The following OR5A2 variants were observed in gnomAD, a reference collection of about 807,000 sequenced individuals.
The protein encoded by OR5A2 is olfactory receptor family 5 subfamily A member 2, also known as olfactory receptor 5A2.
For missense variants in OR5A2, 406 were observed against 398.9 expected, an observed-to-expected ratio of 1.02 and a Z score of -0.15; for synonymous variants, 155 against 151.1, an observed-to-expected ratio of 1.03 and a Z score of -0.19.
chr11:59,417,752 T>C lies in OR5A2; in HGVS notation c.*4227A>G, dbSNP rs1347668592. 6.6e-6 allele frequency: 1 copy of C among 152,028 alleles called. No homozygotes were observed. The highest frequency in any genetic ancestry group is 2.4e-5 in the African/African-American group (1 of 41,404). 9.4% of individuals were successfully genotyped at this position (152,028 alleles called of 1,614,324 possible). A position where few individuals can be genotyped will look rare whatever the true frequency, so the allele number is the denominator to read the frequency against. ...TAGGCAAGCTCTAGGTTTGTGAAGG[T>C]TTAAGACTAGAAACATAAGACTATT... On this transcript the variant is annotated 3_prime_UTR_variant, in exon 2 of 2. Transcript: ENST00000302040.
rs1364712343 is a variant in OR5A2 at position 59,417,909 on chromosome 11, A to T, written c.*4070T>A. On this transcript the variant is annotated 3_prime_UTR_variant, in exon 2 of 2. Transcript: ENST00000302040. ...GAATGTTGATGGTGCATAGGACAAC[A>T]ACAAGGTGTCTACAAAACTCTAACA... 1 of 152,114 alleles carries T rather than the reference A, an allele frequency of 6.6e-6. No individual in the cohort carries two copies. The highest frequency in any genetic ancestry group is 1.5e-5 in the Non-Finnish European group (1 of 67,976). 9.4% of individuals were successfully genotyped at this position (152,114 alleles called of 1,614,324 possible).
intron 1 of OR5A2, chr11:59,424,887 A>T (rs1028389851): frequency 6.6e-6 from 1 of 152,156 alleles, no homozygotes; most frequent in Non-Finnish European, 1.5e-5. Flanking sequence ...CTAAAACATC[A>T]ATCTATTTAA....
chr11:59,423,558 C>T (rs1327713045), intron 1 of OR5A2: 1 of 152,098 alleles, frequency 6.6e-6, no homozygotes, highest in Non-Finnish European at 1.5e-5. Context: ...ATCTATTCTT[C>T]TAGGTAGTAA....
chr11:59,419,061 A>G lies in OR5A2; in HGVS notation c.*2918T>C, dbSNP rs1390544999. On this transcript the variant is annotated 3_prime_UTR_variant, in exon 2 of 2. Transcript: ENST00000302040. Reference sequence around the variant, plus strand: ...ATGGTGGAGGAAAAAAAATAGCTATAAGGAAAAGGGGGAGAGGCATCCAGG... The same window carrying G: ...ATGGTGGAGGAAAAAAAATAGCTATGAGGAAAAGGGGGAGAGGCATCCAGG... 6.6e-6 allele frequency: 1 copy of G among 152,090 alleles called. No homozygotes were observed. Among genetic ancestry groups the G allele is most frequent in the Non-Finnish European group, 1.5e-5 (1 of 68,016 alleles). The allele number at this position is 152,090 out of a possible 1,614,324, so 9.4% of individuals were successfully genotyped here.
chr11:59,422,603 T>C lies in OR5A2; in HGVS notation c.351A>G (p.Ala117=). 6.2e-7 allele frequency: 1 copy of C among 1,614,188 alleles called. No individual in the cohort carries two copies. Among genetic ancestry groups the C allele is most frequent in the Non-Finnish European group, 8.5e-7 (1 of 1,180,024 alleles). ...CAGCATACCGGTCATAGGCCATAGCTGCCAGGAGAAAGCATTCAGTCAGCC... is the reference window on the plus strand; with the variant it reads ...CAGCATACCGGTCATAGGCCATAGCCGCCAGGAGAAAGCATTCAGTCAGCC... ...GMGLTECFLL[A]AMAYDRYAAI... Residue 117 remains alanine, a synonymous_variant, in exon 2 of 2, where the codon GCA becomes GCG. Coordinates refer to ENST00000302040, the MANE Select transcript of OR5A2 (RefSeq NM_001001954.2).
At position 59,422,286 on chromosome 11, in the gene OR5A2, A is replaced by G; in HGVS notation, c.668T>C (p.Val223Ala). The G allele has an allele frequency of 6.2e-7, 1 of 1,614,166 alleles. No individual in the cohort carries two copies. The highest frequency in any genetic ancestry group is 8.5e-7 in the Non-Finnish European group (1 of 1,180,010). ...LVVLISYGYI[V>A]AAVVKISSAT... ...TGAGCTGATCTTCACAACAGCAGCA[A>G]CAATGTAACCATAAGAGATGAGGAC... The change falls in exon 2 of 2, where the codon GTT becomes GCT. Residue 223 changes from valine (V) to alanine (A), a missense_variant. By Grantham distance (64) the Val-to-Ala change is moderately conservative. Transcript: ENST00000302040.
Position 59,417,475 on chromosome 11 carries a change from TA to T in OR5A2, c.*4503del, listed in dbSNP as rs1341630410. The T allele has an allele frequency of 6.6e-6, 1 of 152,120 alleles. No individual in the cohort carries two copies. Among genetic ancestry groups the T allele is most frequent in the Non-Finnish European group, 1.5e-5 (1 of 68,074 alleles). 9.4% of individuals were successfully genotyped at this position (152,120 alleles called of 1,614,324 possible). A position where few individuals can be genotyped will look rare whatever the true frequency, so the allele number is the denominator to read the frequency against. On this transcript the variant is annotated 3_prime_UTR_variant, in exon 2 of 2. Coordinates refer to ENST00000302040, the MANE Select transcript of OR5A2 (RefSeq NM_001001954.2). ...AGAATAAAGGCAGCAAAGGTCAATA[TA>T]AACACCTGGCTTATCATCCCCAGGG...
rs1858228009 is a variant in OR5A2, at chr11:59,421,983, C to T, written c.971G>A (p.Gly324Asp). Residue 324 changes from glycine (G) to aspartate (D), a missense_variant, in exon 2 of 2, where the codon GGC (glycine) becomes GAC (aspartate). Physicochemically the swap from Gly to Asp is moderately conservative, Grantham distance 94 (BLOSUM62 -1). Coordinates refer to ENST00000302040, the MANE Select transcript of OR5A2 (RefSeq NM_001001954.2). ...CTCACAGCTTCATTGTAAACATTAG[C>T]CCAAGGTCATAAAAATGAATGGTCC... Reference protein sequence around the residue: ...HGGPFIFMTLG With the variant: ...HGGPFIFMTLD 2 of 1,601,352 alleles carry T rather than the reference C, an allele frequency of 1.2e-6. No homozygotes were observed. The highest frequency in any genetic ancestry group is 1.7e-6 in the Non-Finnish European group (2 of 1,173,218).
intron 1 of OR5A2, chr11:59,424,236 C>G (rs1391720487): frequency 6.6e-6 from 1 of 152,198 alleles, no homozygotes; most frequent in Non-Finnish European, 1.5e-5. Context: ...AAAACCCTGT[C>G]TCTACTAAAA....
rs1226406196 is a variant in OR5A2, at chr11:59,422,776, T to C, written c.178A>G (p.Met60Val). Reference protein sequence around the residue: ...IKMDSHLHMPMYFFLSNLSFL... With the variant: ...IKMDSHLHMPVYFFLSNLSFL... ...GACAGGTTACTGAGGAAGAAGTACA[T>C]GGGCATGTGCAGGTGAGAGTCCATC... The change falls in exon 2 of 2, where the codon ATG becomes GTG. Residue 60 changes from methionine (M) to valine (V), a missense_variant. Transcript: ENST00000302040. 1 of 1,614,092 alleles carries C rather than the reference T, an allele frequency of 6.2e-7. No individual in the cohort carries two copies. The highest frequency in any genetic ancestry group is 1.1e-5 in the South Asian group (1 of 91,068).
rs995499070 is a variant in OR5A2, at chr11:59,419,251, T to G, written c.*2728A>C. On this transcript the variant is annotated 3_prime_UTR_variant, in exon 2 of 2. Transcript: ENST00000302040. ...ATTGGAGTGGATACCCTAAACTTAT[T>G]TCTTTGGTCTCTTTTTAACACATTA... 1.3e-5 allele frequency: 2 copies of G among 152,202 alleles called. No homozygotes were observed. Among genetic ancestry groups the G allele is most frequent in the African/African-American group, 4.8e-5 (2 of 41,466 alleles). The allele number at this position is 152,202 out of a possible 1,614,324, so 9.4% of individuals were successfully genotyped here.
In OR5A2 at chr11:59,421,186, AG is replaced by A. The variant is rs1312759143; in HGVS notation, c.*792del. Reference sequence around the variant, plus strand: ...GGGAGCAGGTACATCACATGACAAAAGCAGGAGCAAGAGAGAGAGGCAGAGT... The same window carrying A: ...GGGAGCAGGTACATCACATGACAAAACAGGAGCAAGAGAGAGAGGCAGAGT... On this transcript the variant is annotated 3_prime_UTR_variant, in exon 2 of 2. Transcript: ENST00000302040. 1 of 152,732 alleles carries A rather than the reference AG, an allele frequency of 6.5e-6. No individual in the cohort carries two copies. Among genetic ancestry groups the A allele is most frequent in the African/African-American group, 2.4e-5 (1 of 41,474 alleles). 9.5% of individuals were successfully genotyped at this position (152,732 alleles called of 1,614,324 possible).
At chr11:59,424,580 T>C (rs1858271714) in intron 1 of OR5A2, 1 of 151,758 alleles carries the variant, frequency 6.6e-6, no homozygotes, top group African/African-American at 2.4e-5. Flanking sequence ...GATGACAGAG[T>C]GAGACCCTGT....
Position 59,422,799 on chromosome 11 carries a change from A to C in OR5A2, c.155T>G (p.Met52Arg), listed in dbSNP as rs1301059681. Reference protein sequence around the residue: ...WNLSLIALIKMDSHLHMPMYF... With the variant: ...WNLSLIALIKRDSHLHMPMYF... Reference sequence around the variant, plus strand: ...CATGGGCATGTGCAGGTGAGAGTCCATCTTAATGAGGGCAATGAGGCTTAA... The same window carrying C: ...CATGGGCATGTGCAGGTGAGAGTCCCTCTTAATGAGGGCAATGAGGCTTAA... The change falls in exon 2 of 2, where the codon ATG becomes AGG. Residue 52 changes from methionine (M) to arginine (R), a missense_variant. By Grantham distance (91) the Met-to-Arg change is moderately conservative. Coordinates refer to ENST00000302040, the MANE Select transcript of OR5A2 (RefSeq NM_001001954.2). The C allele has an allele frequency of 9.9e-6, 16 of 1,614,086 alleles. No individual in the cohort carries two copies. Among genetic ancestry groups the C allele is most frequent in the Non-Finnish European group, 1.4e-5 (16 of 1,180,032 alleles).
intron 1 of OR5A2, chr11:59,423,643 T>A (rs1447692557): frequency 1.3e-5 from 2 of 152,086 alleles, no homozygotes; most frequent in Admixed American, 1.3e-4. Flanking sequence ...TGTATATATA[T>A]ATATGTTATA....
At position 59,419,256 on chromosome 11, in the gene OR5A2, T is replaced by A. The variant is rs542800321; in HGVS notation, c.*2723A>T. On this transcript the variant is annotated 3_prime_UTR_variant, in exon 2 of 2. Coordinates refer to ENST00000302040, the MANE Select transcript of OR5A2 (RefSeq NM_001001954.2). ...AGTGGATACCCTAAACTTATTTCTT[T>A]GGTCTCTTTTTAACACATTACCCGG... The A allele has an allele frequency of 1.6e-4, 25 of 152,312 alleles. No homozygotes were observed. The highest frequency in any genetic ancestry group is 5.8e-4 in the African/African-American group (24 of 41,586). The allele number at this position is 152,312 out of a possible 1,614,324, so 9.4% of individuals were successfully genotyped here. A position where few individuals can be genotyped will look rare whatever the true frequency, so the allele number is the denominator to read the frequency against.
In OR5A2 at chr11:59,420,066, TG is replaced by T. The variant is rs1459902700; in HGVS notation, c.*1912del. On this transcript the variant is annotated 3_prime_UTR_variant, in exon 2 of 2. Transcript: ENST00000302040. ...ACAGTCAGATTGTAAAGTAAGTCACTGTATATGGTGTTAAATAAAACCCATC... is the reference window on the plus strand; with the variant it reads ...ACAGTCAGATTGTAAAGTAAGTCACTTATATGGTGTTAAATAAAACCCATC... The T allele has an allele frequency of 6.6e-6, 1 of 152,174 alleles. No individual in the cohort carries two copies. The highest frequency in any genetic ancestry group is 1.5e-5 in the Non-Finnish European group (1 of 68,024). 9.4% of individuals were successfully genotyped at this position (152,174 alleles called of 1,614,324 possible).
At position 59,422,050 on chromosome 11, in the gene OR5A2, T is replaced by G. The variant is rs1458153683; in HGVS notation, c.904A>C (p.Met302Leu). The change falls in exon 2 of 2, where the codon ATG becomes CTG. Residue 302 changes from methionine (M) to leucine (L), a missense_variant. Met to Leu is a conservative substitution (Grantham distance 15). Transcript: ENST00000302040. ...GGGTCCCTTTCCATGGCTTTCCTCATGGCATTTTTAATCTCCTTATTCCTA... is the reference window on the plus strand; with the variant it reads ...GGGTCCCTTTCCATGGCTTTCCTCAGGGCATTTTTAATCTCCTTATTCCTA... ...SFRNKEIKNA[M>L]RKAMERDPGI... 1 of 1,614,024 alleles carries G rather than the reference T, an allele frequency of 6.2e-7. No homozygotes were observed.
At position 59,417,367 on chromosome 11, in the gene OR5A2, C is replaced by T; in HGVS notation, c.*4612G>A. 6.6e-6 allele frequency: 1 copy of T among 151,942 alleles called. No individual in the cohort carries two copies. Among genetic ancestry groups the T allele is most frequent in the Non-Finnish European group, 1.5e-5 (1 of 67,988 alleles). The allele number at this position is 151,942 out of a possible 1,614,324, so 9.4% of individuals were successfully genotyped here. On this transcript the variant is annotated 3_prime_UTR_variant, in exon 2 of 2. Coordinates refer to ENST00000302040, the MANE Select transcript of OR5A2 (RefSeq NM_001001954.2). ...CTGTACAAAAGAGTGAACTCTTATC[C>T]CTGGCCAGGCCCACAAGCAGTATTA... is the stretch of plus-strand genomic sequence containing the variant.
Sources: gnomAD v4.1 joint callset for allele counts on GRCh38, gnomAD v4.1.1 for gene constraint, MANE v1.5 for transcripts, NCBI Gene and HGNC (gene_info 2026-07-23, HGNC 2026-07-21) for gene names.